XRCC4: variants seen among roughly 807,000 people sequenced by gnomAD.
The protein encoded by XRCC4 is DNA repair protein XRCC4.
In XRCC4, 28 loss-of-function variants were observed where a neutral mutation model predicts 39.1. That is an observed-to-expected ratio of 0.72 (90% confidence interval 0.53 to 0.98). XRCC4 has a LOEUF of 0.98. Among genes scored for constraint, XRCC4 ranks in the 50% least tolerant of loss-of-function variants. The pLI is 0.00. For synonymous variants in XRCC4, 123 were observed against 126.4 expected, an observed-to-expected ratio of 0.97 and a Z score of 0.18; for missense variants, 350 against 376.4, an observed-to-expected ratio of 0.93 and a Z score of 0.58.
At chr5:83,192,319 A>ATATATATTTT (rs3069585) in intron 3 of XRCC4, among the ~76,000 whole-genome samples, 174 of 143,486 alleles carry the variant, frequency 1.2e-3, no homozygotes, top group Middle Eastern at 0.011. Context: ...ATATATATAT[A>ATATATATTTT]TTTTTTTGAG....
At chr5:83,161,328 C>G (rs1045177945) in intron 3 of XRCC4, among the ~76,000 whole-genome samples, 23 of 152,130 alleles carry the variant, frequency 1.5e-4, no homozygotes, top group Admixed American at 1.1e-3. Context: ...GACAGAGTTT[C>G]ACCTTGTTGG....
chr5:83,353,022 T>C, intron 7 of XRCC4, 109 bp from the exon 8 acceptor site: 3 of 876,116 alleles, frequency 3.4e-6, no homozygotes, highest in Non-Finnish European at 5.2e-6. Flanking sequence ...CTAAACCAAT[T>C]TGAAACAGGA....
At chr5:83,080,059 A>G (rs533404287) in intron 1 of XRCC4, among the ~76,000 whole-genome samples, 3 of 152,272 alleles carry the variant, frequency 2.0e-5, no homozygotes, top group African/African-American at 7.2e-5. Flanking sequence ...GTTGGCTATT[A>G]CTGTGCATGG....
rs1041545021 is a variant in XRCC4, at chr5:83,189,160, T to C, written c.316-6610T>C. On this transcript the variant is annotated intron_variant, in intron 3 of 7. Coordinates refer to ENST00000396027, the MANE Select transcript of XRCC4 (RefSeq NM_003401.5). ...GATATATACCCTAAATGTAACTATA[T>C]TGTCCATGAACCAAAAGACTCATCA... Among the ~76,000 whole-genome samples, 6 of 152,220 alleles carry C rather than the reference T, an allele frequency of 3.9e-5. 1 individual carries two copies. Among genetic ancestry groups the C allele is most frequent in the African/African-American group, 1.4e-4 (6 of 41,448 alleles).
At chr5:83,333,626 C>T (rs966319412) in intron 7 of XRCC4, among the ~76,000 whole-genome samples, 1 of 152,178 alleles carries the variant, frequency 6.6e-6, no homozygotes, top group Admixed American at 6.5e-5. Flanking sequence ...GTCCACTTCT[C>T]ATGCATAGTA....
At chr5:83,305,580 C>T (rs1580489463) in intron 7 of XRCC4, among the ~76,000 whole-genome samples, 1 of 152,168 alleles carries the variant, frequency 6.6e-6, no homozygotes. Flanking sequence ...AAATTCTGCA[C>T]TACACTATGG....
chr5:83,186,025 C>T (rs1750422861), intron 3 of XRCC4, among the ~76,000 whole-genome samples: 1 of 152,094 alleles, frequency 6.6e-6, no homozygotes, highest in African/African-American at 2.4e-5. Context: ...ACTTTCTGAA[C>T]TCTTACTATG....
intron 6 of XRCC4, among the ~76,000 whole-genome samples, chr5:83,255,672 T>C (rs1753510462): frequency 6.6e-6 from 1 of 152,202 alleles, no homozygotes; most frequent in African/African-American, 2.4e-5. Context: ...AAATATTTAC[T>C]TGTAAGTAAG....
intron 7 of XRCC4, among the ~76,000 whole-genome samples, chr5:83,289,389 T>C (rs907191503): frequency 2.6e-5 from 4 of 151,916 alleles, no homozygotes; most frequent in Non-Finnish European, 4.4e-5. Context: ...AATAGACTTT[T>C]AGTGTGAAGA....
At chr5:83,085,944 T>TTATA (rs1186942539) in intron 1 of XRCC4, among the ~76,000 whole-genome samples, 1 of 152,220 alleles carries the variant, frequency 6.6e-6, no homozygotes, top group Non-Finnish European at 1.5e-5. Flanking sequence ...ATTTGAGCTT[T>TTATA]TATATCAAGT....
intron 1 of XRCC4, among the ~76,000 whole-genome samples, chr5:83,082,980 G>A (rs909692093): frequency 1.9e-4 from 29 of 149,082 alleles, no homozygotes; most frequent in Admixed American, 2.7e-4. Context: ...TGCACTGACT[G>A]CTGCTTCTTT....
At chr5:83,313,122 CA>C (rs1755763878) in intron 7 of XRCC4, among the ~76,000 whole-genome samples, 1 of 144,146 alleles carries the variant, frequency 6.9e-6, no homozygotes. Context: ...TACAGGTGGT[CA>C]AAAAAACAAA....
intron 3 of XRCC4, among the ~76,000 whole-genome samples, chr5:83,189,688 A>C (rs1750608092): frequency 6.6e-6 from 1 of 152,210 alleles, no homozygotes; most frequent in African/African-American, 2.4e-5. Flanking sequence ...ACCTTTTAAG[A>C]TCAGTGTGAG....
chr5:83,267,447 G>A (rs899482189), intron 7 of XRCC4, among the ~76,000 whole-genome samples: 9 of 152,240 alleles, frequency 5.9e-5, no homozygotes, highest in African/African-American at 1.4e-4. Flanking sequence ...TAGCAGTGAT[G>A]GGTGGCCATG....
intron 3 of XRCC4, among the ~76,000 whole-genome samples, chr5:83,118,657 T>C (rs74552162): frequency 0.015 from 2,349 of 152,328 alleles, 70 homozygotes; most frequent in African/African-American, 0.054. Flanking sequence ...TTGGCCAGAA[T>C]GTAGTCACAT....
intron 6 of XRCC4, among the ~76,000 whole-genome samples, chr5:83,238,364 A>G (rs1206967491): frequency 6.6e-6 from 1 of 152,158 alleles, no homozygotes; most frequent in Non-Finnish European, 1.5e-5. Flanking sequence ...TGATTTTGGG[A>G]AAAGATCTGT....
rs1561337521 is a variant in XRCC4 at position 83,116,617 on chromosome 5, T to TG, written c.315+5414_315+5415insG. Among the ~76,000 whole-genome samples the TG allele has an allele frequency of 1.0e-3, 93 of 92,462 alleles. 1 individual carries two copies. The highest frequency in any genetic ancestry group is 1.4e-3 in the Non-Finnish European group (64 of 45,722). The allele number at this position is 92,462 out of a possible 152,430, so 60.7% of individuals were successfully genotyped here. A position where few individuals can be genotyped will look rare whatever the true frequency, so the allele number is the denominator to read the frequency against. On this transcript the variant is annotated intron_variant, in intron 3 of 7. Coordinates refer to ENST00000396027, the MANE Select transcript of XRCC4 (RefSeq NM_003401.5). Reference sequence around the variant, plus strand: ...ACCAGTTTCTCTCTCTCTTTTTTTTTTTTTTTTTTTTTTTTTTTTTTTGAG... The same window carrying TG: ...ACCAGTTTCTCTCTCTCTTTTTTTTTGTTTTTTTTTTTTTTTTTTTTTTGAG...
In XRCC4 at chr5:83,242,162, TTGTGTGTGTGTGTG is replaced by T. The variant is rs60919474; in HGVS notation, c.746-16344_746-16331del. On this transcript the variant is annotated intron_variant, in intron 6 of 7. Transcript: ENST00000396027. ...TGCCCAAGGGTCACTCGTATACACA[TTGTGTGTGTGTGTG>T]TGTGTGTGTGTGTGTGTGTGTGTAA... Among the ~76,000 whole-genome samples the T allele has an allele frequency of 1.0e-3, 148 of 145,370 alleles. No homozygotes were observed. In the Middle Eastern group the frequency reaches 0.011, roughly 10 times the overall value.
chr5:83,110,065 C>CA (rs1433131555), intron 2 of XRCC4, among the ~76,000 whole-genome samples: 1 of 151,880 alleles, frequency 6.6e-6, no homozygotes, highest in Non-Finnish European at 1.5e-5. Flanking sequence ...AATTAACTTT[C>CA]AAAACTAGTC....
Sources: gnomAD v4.1 joint callset for allele counts (sites outside exome capture counted in the v4.1 genomes callset) on GRCh38, gnomAD v4.1.1 for gene constraint, MANE v1.5 for transcripts, NCBI Gene and HGNC (gene_info 2026-07-23, HGNC 2026-07-21) for gene names.